Variants in UTRN observed in about 807,000 individuals in gnomAD.
UTRN encodes the protein utrophin, also known as dystrophin-related protein 1.
A neutral mutation model predicts 463.9 loss-of-function variants in UTRN; 283 were observed. The observed-to-expected ratio is 0.61, with a 90% CI of 0.55 to 0.67. The LOEUF (loss-of-function observed/expected upper bound fraction) is 0.67. Ranked by LOEUF, UTRN falls within the 30% of genes least tolerant of loss-of-function variation. UTRN has a pLI of 0.00. For missense variants in UTRN, 3,922 were observed against 4,084.3 expected, an observed-to-expected ratio of 0.96 and a Z score of 1.08; for synonymous variants, 1,442 against 1,431.5, an observed-to-expected ratio of 1.01 and a Z score of -0.17.
chr6:144,366,331 T>C (rs1454839465), intron 2 of UTRN, among the ~76,000 whole-genome samples: 1 of 152,198 alleles, frequency 6.6e-6, no homozygotes, highest in African/African-American at 2.4e-5. Context: ...TTTGTTGTAC[T>C]GATTATTTCA....
At chr6:144,810,845 G>A (rs1426059522) in intron 65 of UTRN, among the ~76,000 whole-genome samples, 1 of 151,838 alleles carries the variant, frequency 6.6e-6, no homozygotes, top group Non-Finnish European at 1.5e-5. Context: ...AGTGAGAAGA[G>A]GCAACAACAG....
intron 2 of UTRN, chr6:144,344,128 C>T: frequency 9.0e-7 from 1 of 1,113,380 alleles, no homozygotes; most frequent in Non-Finnish European, 1.2e-6. Context: ...TAACACAGGA[C>T]ATCCCAGTGT....
At chr6:144,778,453 A>C (rs957098333) in intron 60 of UTRN, among the ~76,000 whole-genome samples, 6 of 152,270 alleles carry the variant, frequency 3.9e-5, no homozygotes, top group Non-Finnish European at 8.8e-5. Flanking sequence ...GCAGGAGATC[A>C]GCAGGAGAAA....
intron 51 of UTRN, among the ~76,000 whole-genome samples, chr6:144,622,145 GT>G (rs1775449946): frequency 1.6e-5 from 2 of 127,532 alleles, no homozygotes; most frequent in Non-Finnish European, 3.3e-5. Context: ...TTGAATGAGT[GT>G]TTTATCTTAC....
At chr6:144,529,562 G>A (rs1362522558) in intron 41 of UTRN, among the ~76,000 whole-genome samples, 3 of 151,982 alleles carry the variant, frequency 2.0e-5, no homozygotes, top group South Asian at 2.1e-4. Flanking sequence ...ATAGCATCTC[G>A]AATTTGGAAA....
rs535505460 is a variant in UTRN at position 144,369,487 on chromosome 6, C to T, written c.80-33636C>T. Among the ~76,000 whole-genome samples the T allele has an allele frequency of 3.3e-5, 5 of 152,254 alleles. No individual in the cohort carries two copies. In the South Asian group the frequency reaches 1.0e-3, roughly 32 times the overall value. ...CAAAAATTAGCTGATTGTGGTGGCG[C>T]GTGCCTCTAGTCCCAGCTACTGGGA... On this transcript the variant is annotated intron_variant, in intron 2 of 74. Transcript: ENST00000367545.
In UTRN at chr6:144,717,895, A is replaced by G. The variant is rs371100759; in HGVS notation, c.7810-12462A>G. 2.0e-4 allele frequency among the ~76,000 whole-genome samples: 31 copies of G among 152,028 alleles called. No homozygotes were observed. The East Asian group carries it at 5.8e-3, about 28-fold the overall frequency. ...CATGATCCACCCGCCTCAGCCTCCC[A>G]AAGTGCTGGTACTACAGGCATGAGC... On this transcript the variant is annotated intron_variant, in intron 53 of 74. Transcript: ENST00000367545.
At chr6:144,550,342 G>A (rs1798792119) in intron 47 of UTRN, among the ~76,000 whole-genome samples, 1 of 152,118 alleles carries the variant, frequency 6.6e-6, no homozygotes, top group Admixed American at 6.6e-5. Context: ...GCCACTATTT[G>A]TATTTTTTGT....
intron 51 of UTRN, among the ~76,000 whole-genome samples, chr6:144,651,118 T>G (rs915098948): frequency 6.6e-6 from 1 of 151,974 alleles, no homozygotes; most frequent in Admixed American, 6.6e-5. Flanking sequence ...ATCACGGTTT[T>G]TGCTGTTAAA....
Position 144,470,223 on chromosome 6 carries a change from C to T in UTRN, c.3067-3497C>T, listed in dbSNP as rs567723098. ...TCTCAATGAGCTGTTGGGTACACCT[C>T]CCAGACGGGGTGGCGGCCGGGCAGA... On this transcript the variant is annotated intron_variant, in intron 23 of 74. Transcript: ENST00000367545. Among the ~76,000 whole-genome samples, 3 of 152,382 alleles carry T rather than the reference C, an allele frequency of 2.0e-5. No homozygotes were observed. The South Asian group carries it at 6.2e-4, about 32-fold the overall frequency.
chr6:144,667,181 A>C (rs2128676099), intron 51 of UTRN, among the ~76,000 whole-genome samples: 1 of 152,082 alleles, frequency 6.6e-6, no homozygotes, highest in East Asian at 1.9e-4. Context: ...CAGCCTCCCG[A>C]GTAGCTGGGA....
chr6:144,683,863 G>A (rs951047750), intron 52 of UTRN, among the ~76,000 whole-genome samples: 3 of 152,086 alleles, frequency 2.0e-5, no homozygotes, highest in Admixed American at 2.0e-4. Flanking sequence ...CTGTCACACA[G>A]GGATAAGAGG....
At position 144,537,595 on chromosome 6, in the gene UTRN, A is replaced by G. The variant is rs760556348; in HGVS notation, c.6247A>G (p.Ser2083Gly). 7 of 1,587,810 alleles carry G rather than the reference A, an allele frequency of 4.4e-6. No homozygotes were observed. Among genetic ancestry groups the G allele is most frequent in the East Asian group, 2.3e-5 (1 of 42,710 alleles). ...ATATTCTTTTAGGCTAAAAGGAGAA[A>G]GTAAGCAGGTGATGAAGTACAGGCA... ...KDRQPRLKGE[S>G]KQVMKYRHQL... Residue 2083 changes from serine to glycine, a missense_variant, in exon 44 of 75, where the codon AGT (serine) becomes GGT (glycine). Around this residue, in one of 3 missense-constraint regions of UTRN, gnomAD observed 2,349 missense variants for 2,303.8 expected, o/e 1.02. Coordinates refer to ENST00000367545, the MANE Select transcript of UTRN (RefSeq NM_007124.3).
intron 2 of UTRN, among the ~76,000 whole-genome samples, chr6:144,368,751 G>A (rs746387913): frequency 6.6e-6 from 1 of 151,830 alleles, no homozygotes; most frequent in Non-Finnish European, 1.5e-5. Context: ...TCCAGCCTGG[G>A]CAACTCCGTC....
At chr6:144,341,856 C>A (rs1012008003) in intron 2 of UTRN, among the ~76,000 whole-genome samples, 63 of 152,156 alleles carry the variant, frequency 4.1e-4, no homozygotes, top group African/African-American at 1.4e-3. Context: ...GTATGAAGGC[C>A]AGCAATATTT....
rs142260250 is a variant in UTRN, at chr6:144,325,989, A to C, written c.79+34082A>C. Reference sequence around the variant, plus strand: ...GTGGATATAAAAGTGATAAGTAAAAAAAGTCTTATAGATAATGTCTGACTT... The same window carrying C: ...GTGGATATAAAAGTGATAAGTAAAACAAGTCTTATAGATAATGTCTGACTT... On this transcript the variant is annotated intron_variant, in intron 2 of 74. Transcript: ENST00000367545. Among the ~76,000 whole-genome samples the C allele has an allele frequency of 1.2e-3, 179 of 152,220 alleles. 1 individual carries two copies. The East Asian group carries it at 0.03, about 25-fold the overall frequency.
intron 2 of UTRN, among the ~76,000 whole-genome samples, chr6:144,303,409 G>T (rs897751982): frequency 6.6e-6 from 1 of 152,160 alleles, no homozygotes; most frequent in African/African-American, 2.4e-5. Flanking sequence ...TTTCAATGAG[G>T]TATGTAGTTT....
intron 52 of UTRN, among the ~76,000 whole-genome samples, chr6:144,693,262 T>A (rs557597113): frequency 6.6e-6 from 1 of 152,304 alleles, no homozygotes; most frequent in South Asian, 2.1e-4. Context: ...TGTCTATTTT[T>A]ATACCAGTAC....
At chr6:144,503,020 CAT>C (rs1310196240) in intron 34 of UTRN, among the ~76,000 whole-genome samples, 5 of 152,222 alleles carry the variant, frequency 3.3e-5, no homozygotes, top group African/African-American at 7.2e-5. Context: ...AGCTTTTTTT[CAT>C]ATGTTTTTTG....
Sources: allele counts gnomAD v4.1 joint callset (sites outside exome capture counted in the v4.1 genomes callset), GRCh38; gene constraint gnomAD v4.1.1; regional missense constraint gnomAD v4.1.1; transcripts MANE v1.5; gene names NCBI Gene and HGNC (gene_info 2026-07-23, HGNC 2026-07-21).